EYS: variants seen among roughly 807,000 people sequenced by gnomAD.
The protein encoded by EYS is EGF-like photoreceptor maintenance factor.
EYS carries 250 observed loss-of-function variants against 282.1 expected under a neutral mutation model. The observed-to-expected ratio is 0.89, with a 90% CI of 0.80 to 0.98. The LOEUF is 0.98. EYS is among the 50% of genes least tolerant of loss of function. EYS has a pLI of 0.00. For missense variants in EYS, 4,016 were observed against 3,709.0 expected, an observed-to-expected ratio of 1.08 and a Z score of -2.15; for synonymous variants, 1,355 against 1,282.9, an observed-to-expected ratio of 1.06 and a Z score of -1.20.
chr6:64,189,668 G>A (rs1006748184), intron 31 of EYS, among the ~76,000 whole-genome samples: 3 of 151,962 alleles, frequency 2.0e-5, no homozygotes, highest in Non-Finnish European at 4.4e-5. Context: ...TAAGTCAAAG[G>A]CCTTAATAAG....
chr6:65,020,811 G>T (rs1458145412), intron 13 of EYS, among the ~76,000 whole-genome samples: 3 of 152,168 alleles, frequency 2.0e-5, no homozygotes, highest in Admixed American at 6.5e-5. Flanking sequence ...CTAGGTGGCG[G>T]TTTCCAAACC....
intron 26 of EYS, among the ~76,000 whole-genome samples, chr6:64,488,161 A>T (rs560528690): frequency 6.6e-6 from 1 of 151,224 alleles, no homozygotes; most frequent in African/African-American, 2.4e-5. Context: ...AATACAATTT[A>T]AAAAAATAAT....
intron 33 of EYS, among the ~76,000 whole-genome samples, chr6:64,042,958 A>G (rs1231402818): frequency 1.8e-4 from 27 of 152,090 alleles, no homozygotes; most frequent in Admixed American, 1.8e-3. Context: ...TTGGGTTTGA[A>G]TTCTAGTTAG....
At chr6:64,308,986 A>G (rs886672236) in intron 29 of EYS, among the ~76,000 whole-genome samples, 9 of 152,064 alleles carry the variant, frequency 5.9e-5, no homozygotes, top group East Asian at 3.9e-4. Flanking sequence ...TTTAATTCTT[A>G]TTTTTACTGC....
chr6:64,830,032 T>C (rs866327149), intron 19 of EYS, among the ~76,000 whole-genome samples: 17 of 152,042 alleles, frequency 1.1e-4, no homozygotes, highest in Middle Eastern at 3.4e-3. Context: ...AATGTTTGTG[T>C]TCCCCGCAAA....
At chr6:64,119,127 G>T (rs990889420) in intron 31 of EYS, among the ~76,000 whole-genome samples, 4 of 152,022 alleles carry the variant, frequency 2.6e-5, no homozygotes, top group African/African-American at 9.7e-5. Flanking sequence ...TTATGTTACT[G>T]AACTGGTTTC....
chr6:63,757,991 G>A (rs543553590), intron 41 of EYS, among the ~76,000 whole-genome samples: 1 of 152,240 alleles, frequency 6.6e-6, no homozygotes, highest in Non-Finnish European at 1.5e-5. Context: ...ACCTTGAATT[G>A]TGGACCCAAG....
chr6:65,293,816 G>A (rs1429719921), intron 12 of EYS, among the ~76,000 whole-genome samples: 1 of 151,814 alleles, frequency 6.6e-6, no homozygotes, highest in Admixed American at 6.6e-5. Context: ...TACAGAGACT[G>A]ACATTTAATC....
At chr6:65,486,970 CTGTT>C (rs1330741840) in intron 5 of EYS, among the ~76,000 whole-genome samples, 4 of 152,018 alleles carry the variant, frequency 2.6e-5, no homozygotes, top group African/African-American at 4.8e-5. Flanking sequence ...ATTTGGCTCT[CTGTT>C]TGTCTGTTAT....
chr6:65,567,071 C>G (rs559828876), intron 2 of EYS, among the ~76,000 whole-genome samples: 1 of 151,948 alleles, frequency 6.6e-6, no homozygotes, highest in Non-Finnish European at 1.5e-5. Context: ...TGGATTAATG[C>G]TGTTATTGTG....
At chr6:64,223,936 G>A (rs1477510658) in intron 31 of EYS, among the ~76,000 whole-genome samples, 1 of 151,936 alleles carries the variant, frequency 6.6e-6, no homozygotes, top group Non-Finnish European at 1.5e-5. Flanking sequence ...TGTAGAATAG[G>A]CCTATATCAT....
intron 41 of EYS, among the ~76,000 whole-genome samples, chr6:63,752,147 T>G (rs1769353888): frequency 6.6e-6 from 1 of 152,174 alleles, no homozygotes; most frequent in African/African-American, 2.4e-5. Context: ...AAGCATATAG[T>G]GATCCTTTCA....
At chr6:64,467,995 G>A (rs1013097337) in intron 26 of EYS, among the ~76,000 whole-genome samples, 3 of 152,008 alleles carry the variant, frequency 2.0e-5, no homozygotes, top group Non-Finnish European at 2.9e-5. Flanking sequence ...ACTACTTGGG[G>A]GTCAAGGGAC....
intron 33 of EYS, among the ~76,000 whole-genome samples, chr6:64,023,813 T>C (rs1402142976): frequency 3.9e-5 from 6 of 152,090 alleles, no homozygotes; most frequent in Non-Finnish European, 7.4e-5. Context: ...TGTGCCGCGG[T>C]GTTTGCGGGC....
At chr6:63,932,183 A>C (rs1764915106) in intron 35 of EYS, among the ~76,000 whole-genome samples, 1 of 152,156 alleles carries the variant, frequency 6.6e-6, no homozygotes, top group Non-Finnish European at 1.5e-5. Flanking sequence ...TTATGGCCGA[A>C]TATTGTTCTA....
chr6:64,249,426 G>A (rs903011533), intron 30 of EYS, among the ~76,000 whole-genome samples: 2 of 152,058 alleles, frequency 1.3e-5, no homozygotes, highest in African/African-American at 4.8e-5. Flanking sequence ...TTACTAAATG[G>A]GTACAATGTA....
intron 33 of EYS, among the ~76,000 whole-genome samples, chr6:64,035,247 G>T (rs1055373553): frequency 1.3e-5 from 2 of 152,108 alleles, no homozygotes; most frequent in African/African-American, 4.8e-5. Context: ...TAGGATTATG[G>T]TTAATTTGTG....
At chr6:64,175,080 T>C (rs1764587262) in intron 31 of EYS, among the ~76,000 whole-genome samples, 1 of 152,132 alleles carries the variant, frequency 6.6e-6, no homozygotes, top group African/African-American at 2.4e-5. Context: ...AGAAACAAAT[T>C]TAGAGCATAT....
In EYS at chr6:65,030,292, C is replaced by G. The variant is rs181862874; in HGVS notation, c.2137+27322G>C. 7.9e-5 allele frequency among the ~76,000 whole-genome samples: 12 copies of G among 152,184 alleles called. No individual in the cohort carries two copies. The East Asian group carries it at 2.3e-3, about 30-fold the overall frequency. ...GTGTCAGATGCCCAACCAGGTGCTT[C>G]CTGGTGGCCATTGCCATAGGTCCTT... On this transcript the variant is annotated intron_variant, in intron 13 of 42. Coordinates refer to ENST00000503581, the MANE Select transcript of EYS (RefSeq NM_001142800.2).
Sources: gnomAD v4.1 joint callset for allele counts (sites outside exome capture counted in the v4.1 genomes callset) on GRCh38, gnomAD v4.1.1 for gene constraint, MANE v1.5 for transcripts, NCBI Gene and HGNC (gene_info 2026-07-23, HGNC 2026-07-21) for gene names.